METTL25: variants seen among roughly 807,000 people sequenced by gnomAD.
METTL25 encodes methyltransferase like 25.
Under a neutral mutation model 71.6 loss-of-function variants are expected in METTL25, and 64 were observed. That is an observed-to-expected ratio of 0.89 (90% CI 0.73 to 1.10). The LOEUF (loss-of-function observed/expected upper bound fraction) is 1.10, where lower values mean the gene tolerates loss of function less well. Ranked by LOEUF, METTL25 falls within the 50% of genes least tolerant of loss-of-function variation. The pLI is 0.00. For synonymous variants in METTL25, 287 were observed against 250.3 expected, an observed-to-expected ratio of 1.15 and a Z score of -1.38; for missense variants, 807 against 707.0, an observed-to-expected ratio of 1.14 and a Z score of -1.60.
At chr12:82,382,523 T>A (rs1226263169) in intron 1 of METTL25, among the ~76,000 whole-genome samples, 1 of 152,200 alleles carries the variant, frequency 6.6e-6, no homozygotes, top group African/African-American at 2.4e-5. Flanking sequence ...TTGATGATGC[T>A]ACAAACTGTA....
At chr12:82,470,603 G>GAA (rs369904372) in intron 9 of METTL25, among the ~76,000 whole-genome samples, 1 of 149,618 alleles carries the variant, frequency 6.7e-6, no homozygotes, top group Non-Finnish European at 1.5e-5. Flanking sequence ...GAAAGAATAG[G>GAA]AAAAAAAAAG....
intron 1 of METTL25, among the ~76,000 whole-genome samples, chr12:82,361,611 G>A (rs1238453892): frequency 6.6e-6 from 1 of 152,196 alleles, no homozygotes; most frequent in East Asian, 1.9e-4. Context: ...AGCGCTGGTG[G>A]GCCGGCACTG....
At chr12:82,392,942 T>A (rs1885732588) in intron 3 of METTL25, among the ~76,000 whole-genome samples, 1 of 152,094 alleles carries the variant, frequency 6.6e-6, no homozygotes, top group Non-Finnish European at 1.5e-5. Context: ...TGGCTGTAAA[T>A]GCATGGATTT....
At chr12:82,408,695 T>C (rs1473036803) in intron 5 of METTL25, among the ~76,000 whole-genome samples, 2 of 151,920 alleles carry the variant, frequency 1.3e-5, no homozygotes, top group Non-Finnish European at 2.9e-5. Flanking sequence ...AGATGGAATA[T>C]GGACATAGCC....
rs778694285 is a variant in METTL25 at position 82,386,932 on chromosome 12, T to G, written c.389T>G (p.Leu130Arg). ...LGICTPFEQL[L>R]VALRGNQNQR... is the part of the protein sequence containing the mutation. ...ATATGTACTCCTTTTGAACAGTTGC[T>G]TGTAGCCCTTCGAGGAAATCAAAAC... Residue 130 changes from leucine to arginine, a missense_variant, in exon 2 of 12, where the codon CTT (leucine) becomes CGT (arginine). Coordinates refer to ENST00000248306, the MANE Select transcript of METTL25 (RefSeq NM_032230.3). 1.2e-6 allele frequency: 2 copies of G among 1,613,264 alleles called. No homozygotes were observed. The highest frequency in any genetic ancestry group is 1.7e-6 in the Non-Finnish European group (2 of 1,179,506).
At chr12:82,409,611 A>G (rs1426160990) in intron 5 of METTL25, among the ~76,000 whole-genome samples, 2 of 151,994 alleles carry the variant, frequency 1.3e-5, no homozygotes, top group Non-Finnish European at 2.9e-5. Flanking sequence ...CCAGGGTGCA[A>G]ATTTGTGACT....
intron 8 of METTL25, chr12:82,439,946 C>A: frequency 2.9e-6 from 1 of 350,070 alleles, no homozygotes; most frequent in Non-Finnish European, 4.0e-6. Flanking sequence ...CAATACTTTC[C>A]AACGCTCCAC....
At chr12:82,435,031 C>A (rs1889814647) in intron 7 of METTL25, among the ~76,000 whole-genome samples, 1 of 151,430 alleles carries the variant, frequency 6.6e-6, no homozygotes, top group African/African-American at 2.4e-5. Context: ...GTGCTTAGTT[C>A]AAGCAAAGAT....
chr12:82,405,905 GA>G (rs543018835), intron 5 of METTL25, among the ~76,000 whole-genome samples: 4 of 151,994 alleles, frequency 2.6e-5, no homozygotes, highest in East Asian at 3.9e-4. Flanking sequence ...ACTAGGAATA[GA>G]AAAAAAATCA....
At chr12:82,478,659 A>C (rs1893019956) in intron 11 of METTL25, among the ~76,000 whole-genome samples, 2 of 151,870 alleles carry the variant, frequency 1.3e-5, no homozygotes, top group Non-Finnish European at 3.0e-5. Context: ...TTATTTAACT[A>C]ATACTCATTT....
chr12:82,388,785 G>A (rs906396903), intron 2 of METTL25: 9 of 152,056 alleles, frequency 5.9e-5, no homozygotes, highest in African/African-American at 2.2e-4. Flanking sequence ...GGAGTAATCA[G>A]CATATTTGTT....
At chr12:82,388,580 A>C (rs1224885332) in intron 2 of METTL25, among the ~76,000 whole-genome samples, 1 of 151,982 alleles carries the variant, frequency 6.6e-6, no homozygotes, top group African/African-American at 2.4e-5. Flanking sequence ...CCCCCAATGT[A>C]TAAAGTTTAA....
chr12:82,360,664 C>T (rs184222661), intron 1 of METTL25, among the ~76,000 whole-genome samples: 7 of 152,156 alleles, frequency 4.6e-5, no homozygotes, highest in Non-Finnish European at 7.4e-5. Context: ...CAGAAATGCC[C>T]TGACGAGGGA....
intron 5 of METTL25, among the ~76,000 whole-genome samples, chr12:82,419,460 T>A (rs187028267): frequency 2.0e-5 from 3 of 152,254 alleles, no homozygotes; most frequent in African/African-American, 7.2e-5. Flanking sequence ...CAATGCTATG[T>A]CTGAAGTCAT....
At chr12:82,452,479 G>A (rs1212856238) in intron 8 of METTL25, among the ~76,000 whole-genome samples, 1 of 152,098 alleles carries the variant, frequency 6.6e-6, no homozygotes, top group East Asian at 1.9e-4. Flanking sequence ...CGCCTGCCTG[G>A]CCAACAGAGC....
intron 8 of METTL25, among the ~76,000 whole-genome samples, chr12:82,440,093 T>C (rs979931757): frequency 1.3e-5 from 2 of 151,996 alleles, no homozygotes; most frequent in Non-Finnish European, 2.9e-5. Context: ...CCTCATTATC[T>C]TCCATTATTC....
intron 8 of METTL25, among the ~76,000 whole-genome samples, chr12:82,449,099 G>A (rs1428875997): frequency 6.6e-6 from 1 of 152,140 alleles, no homozygotes; most frequent in Non-Finnish European, 1.5e-5. Context: ...GGATTCACTT[G>A]AGTAGAATTT....
At chr12:82,441,784 A>G (rs184440504) in intron 8 of METTL25, among the ~76,000 whole-genome samples, 97 of 133,682 alleles carry the variant, frequency 7.3e-4, no homozygotes, top group Middle Eastern at 3.8e-3. Context: ...GCCATACTAT[A>G]GCAAAAAAAA....
chr12:82,456,723 A>G lies in METTL25; in HGVS notation c.1479-4A>G. 1 of 1,559,506 alleles carries G rather than the reference A, an allele frequency of 6.4e-7. No homozygotes were observed. Among genetic ancestry groups the G allele is most frequent in the East Asian group, 2.3e-5 (1 of 44,334 alleles). ...CTAAAAATTTATTCAATTTTGTTTTACAGTGATCGGCATGTTGGTAAAATT... is the reference window on the plus strand; with the variant it reads ...CTAAAAATTTATTCAATTTTGTTTTGCAGTGATCGGCATGTTGGTAAAATT... On this transcript the variant is annotated splice_polypyrimidine_tract_variant and splice_region_variant and intron_variant, in intron 8 of 11. Transcript: ENST00000248306.
Sources: gnomAD v4.1 joint callset for allele counts (sites outside exome capture counted in the v4.1 genomes callset) on GRCh38, gnomAD v4.1.1 for gene constraint, MANE v1.5 for transcripts, NCBI Gene and HGNC (gene_info 2026-07-23, HGNC 2026-07-21) for gene names.